Variants in SLC24A2 observed in about 807,000 individuals in gnomAD.
SLC24A2 encodes the protein solute carrier family 24 member 2, also known as sodium/potassium/calcium exchanger 2.
In SLC24A2, 36 loss-of-function variants were observed where a neutral mutation model predicts 62.0. The ratio of observed to expected loss-of-function variants is 0.58; its 90% confidence interval spans 0.44 to 0.77. The LOEUF (loss-of-function observed/expected upper bound fraction) is 0.77, where lower values mean the gene tolerates loss of function less well. SLC24A2 is among the 30% of genes least tolerant of loss of function. The pLI is 0.00. For synonymous variants in SLC24A2, 358 were observed against 294.0 expected (o/e 1.22, Z -2.23); for missense variants, 846 against 817.9 (o/e 1.03, Z -0.42).
chr9:20,279,638 T>C, the SLC24A2 span, among the ~76,000 whole-genome samples: 2 of 152,260 alleles, frequency 1.3e-5, no homozygotes, highest in African/African-American at 4.8e-5. Flanking sequence ...ACAGCTCTTC[T>C]GCTGGACTAA....
chr9:20,107,182 G>A, the SLC24A2 span, among the ~76,000 whole-genome samples: 60 of 152,202 alleles, frequency 3.9e-4, no homozygotes, highest in South Asian at 1.0e-3. Flanking sequence ...CCACTGCTCA[G>A]TGAAATAAAA....
At chr9:19,960,616 G>A in the SLC24A2 span, among the ~76,000 whole-genome samples, 18 of 152,280 alleles carry the variant, frequency 1.2e-4, no homozygotes, top group African/African-American at 3.6e-4. Flanking sequence ...AAGAGTGAGC[G>A]ACAAACATAC....
At chr9:20,258,759 CTCATT>C in the SLC24A2 span, among the ~76,000 whole-genome samples, 2 of 145,058 alleles carry the variant, frequency 1.4e-5, no homozygotes, top group Middle Eastern at 3.5e-3. Flanking sequence ...TGAATCTCCT[CTCATT>C]TATCTATCTA....
At chr9:20,019,544 T>C in the SLC24A2 span, among the ~76,000 whole-genome samples, 1 of 152,206 alleles carries the variant, frequency 6.6e-6, no homozygotes, top group Non-Finnish European at 1.5e-5. Context: ...ACTATATATC[T>C]GTTTTGGTAC....
At chr9:19,689,272 G>GA (rs907499610) in intron 2 of SLC24A2, among the ~76,000 whole-genome samples, 38 of 152,016 alleles carry the variant, frequency 2.5e-4, no homozygotes, top group South Asian at 2.1e-4. Context: ...CCCGAAGAAG[G>GA]AAAAAAAGAG....
At chr9:19,530,914 G>A (rs1271412148) in intron 8 of SLC24A2, among the ~76,000 whole-genome samples, 1 of 152,112 alleles carries the variant, frequency 6.6e-6, no homozygotes, top group Non-Finnish European at 1.5e-5. Flanking sequence ...TGTACCACAC[G>A]TGCTCCCAAT....
At chr9:19,735,171 A>AG (rs1206614174) in intron 2 of SLC24A2, among the ~76,000 whole-genome samples, 1 of 152,202 alleles carries the variant, frequency 6.6e-6, no homozygotes, top group African/African-American at 2.4e-5. Context: ...CAGGAAAAAA[A>AG]AAACCCCATC....
the SLC24A2 span, among the ~76,000 whole-genome samples, chr9:19,811,685 T>C: frequency 6.6e-6 from 1 of 152,182 alleles, no homozygotes; most frequent in East Asian, 1.9e-4. Context: ...CAATTAATTT[T>C]AGTCAAATAT....
chr9:20,298,108 C>A, the SLC24A2 span, among the ~76,000 whole-genome samples: 1 of 152,176 alleles, frequency 6.6e-6, no homozygotes, highest in Non-Finnish European at 1.5e-5. Context: ...GTGACTGATA[C>A]CCATGAAGCT....
At chr9:19,736,801 A>G (rs910346218) in intron 2 of SLC24A2, among the ~76,000 whole-genome samples, 1 of 152,232 alleles carries the variant, frequency 6.6e-6, no homozygotes, top group African/African-American at 2.4e-5. Flanking sequence ...ATAGTAAGCT[A>G]TGATCATGCC....
At chr9:20,147,550 C>G in the SLC24A2 span, among the ~76,000 whole-genome samples, 3 of 152,074 alleles carry the variant, frequency 2.0e-5, no homozygotes, top group Non-Finnish European at 4.4e-5. Flanking sequence ...TGGCAAGTGC[C>G]CAATGTAGAT....
the SLC24A2 span, among the ~76,000 whole-genome samples, chr9:20,071,304 G>A: frequency 6.6e-6 from 1 of 152,170 alleles, no homozygotes; most frequent in Non-Finnish European, 1.5e-5. Flanking sequence ...ACAGAACTGA[G>A]ATATTGGAGT....
At chr9:19,911,477 C>A in the SLC24A2 span, among the ~76,000 whole-genome samples, 2 of 151,988 alleles carry the variant, frequency 1.3e-5, no homozygotes, top group East Asian at 3.9e-4. Flanking sequence ...GTTCTAGATC[C>A]CTGAGGAATT....
the SLC24A2 span, among the ~76,000 whole-genome samples, chr9:20,276,765 C>A: frequency 6.6e-6 from 1 of 152,216 alleles, no homozygotes; most frequent in African/African-American, 2.4e-5. Context: ...GGTTCCCAAA[C>A]CTCAGTGCTT....
intron 2 of SLC24A2, among the ~76,000 whole-genome samples, chr9:19,692,721 C>A (rs1346088541): frequency 6.6e-6 from 1 of 152,120 alleles, no homozygotes; most frequent in Non-Finnish European, 1.5e-5. Flanking sequence ...TTGTCTCCTT[C>A]CTCCACCAAA....
the SLC24A2 span, among the ~76,000 whole-genome samples, chr9:19,925,849 G>T: frequency 6.6e-6 from 1 of 152,312 alleles, no homozygotes; most frequent in South Asian, 2.1e-4. Flanking sequence ...GGCTTTTCCT[G>T]ACAGAGATTT....
At chr9:19,776,968 A>G (rs1018966060) in intron 2 of SLC24A2, among the ~76,000 whole-genome samples, 1 of 152,212 alleles carries the variant, frequency 6.6e-6, no homozygotes, top group Non-Finnish European at 1.5e-5. Context: ...CAAGGAGCAC[A>G]TCCCAGTCCC....
At chr9:19,753,495 G>A (rs1822045662) in intron 2 of SLC24A2, among the ~76,000 whole-genome samples, 1 of 152,066 alleles carries the variant, frequency 6.6e-6, no homozygotes, top group South Asian at 2.1e-4. Flanking sequence ...TAGTCAGACT[G>A]GCACAAAACT....
intron 2 of SLC24A2, among the ~76,000 whole-genome samples, chr9:19,636,286 CTT>C (rs1818314342): frequency 8.1e-4 from 71 of 87,996 alleles, no homozygotes; most frequent in Middle Eastern, 6.3e-3. Flanking sequence ...CTCTTCTTCT[CTT>C]CTTTTCTTTT....
Sources: gnomAD v4.1 joint callset for allele counts (sites outside exome capture counted in the v4.1 genomes callset) on GRCh38, gnomAD v4.1.1 for gene constraint, MANE v1.5 for transcripts, NCBI Gene and HGNC (gene_info 2026-07-23, HGNC 2026-07-21) for gene names.